The following MARCHF10 variants were observed in gnomAD, a reference collection of about 807,000 sequenced individuals.
MARCHF10 encodes probable E3 ubiquitin-protein ligase MARCHF10.
A neutral mutation model predicts 76.2 loss-of-function variants in MARCHF10; 64 were observed. The ratio of observed to expected loss-of-function variants is 0.84; its 90% CI spans 0.69 to 1.03. MARCHF10 has a LOEUF of 1.03. Ranked by LOEUF, MARCHF10 falls within the 50% of genes least tolerant of loss-of-function variation. The pLI is 0.00. For synonymous variants in MARCHF10, 340 were observed against 357.5 expected, an observed-to-expected ratio of 0.95 and a Z score of 0.55; for missense variants, 875 against 958.0, an observed-to-expected ratio of 0.91 and a Z score of 1.14.
chr17:62,767,630 T>C (rs1350485155), intron 3 of MARCHF10, among the ~76,000 whole-genome samples: 4 of 151,970 alleles, frequency 2.6e-5, no homozygotes, highest in Non-Finnish European at 5.9e-5. Flanking sequence ...TTTGTATTTT[T>C]AGTAGAGATG....
intron 3 of MARCHF10, among the ~76,000 whole-genome samples, chr17:62,776,519 C>G (rs1190289203): frequency 6.6e-6 from 1 of 152,202 alleles, no homozygotes; most frequent in African/African-American, 2.4e-5. Flanking sequence ...AGACGAAGCA[C>G]AGAAATGAAG....
intron 2 of MARCHF10, among the ~76,000 whole-genome samples, chr17:62,792,087 G>T (rs2092853385): frequency 6.6e-6 from 1 of 152,028 alleles, no homozygotes; most frequent in Non-Finnish European, 1.5e-5. Flanking sequence ...CTTCTGGGAA[G>T]ATCAGGGCTT....
At chr17:62,702,044 C>A (rs1256872170) in intron 10 of MARCHF10, among the ~76,000 whole-genome samples, 1 of 152,206 alleles carries the variant, frequency 6.6e-6, no homozygotes, top group Admixed American at 6.5e-5. Flanking sequence ...TGTTTTCAGG[C>A]TGAATAGCTG....
intron 4 of MARCHF10, among the ~76,000 whole-genome samples, chr17:62,752,605 T>C (rs1054635722): frequency 1.3e-5 from 2 of 150,494 alleles, no homozygotes; most frequent in African/African-American, 2.5e-5. Context: ...TAAATGGCCC[T>C]CAAGCCCACT....
chr17:62,710,405 G>C (rs1303700288), intron 9 of MARCHF10, among the ~76,000 whole-genome samples: 1 of 151,938 alleles, frequency 6.6e-6, no homozygotes, highest in Non-Finnish European at 1.5e-5. Flanking sequence ...GACAGGCCTG[G>C]GTCAAAAGGA....
intron 5 of MARCHF10, 42 bp downstream of exon 5, chr17:62,744,334 C>T (rs1163598181): frequency 2.1e-5 from 34 of 1,583,036 alleles, no homozygotes; most frequent in Non-Finnish European, 2.7e-5. Context: ...AAAATCAGTC[C>T]TCCTCTCCAA....
chr17:62,749,381 C>T (rs1303751797), intron 4 of MARCHF10, among the ~76,000 whole-genome samples: 5 of 152,250 alleles, frequency 3.3e-5, no homozygotes, highest in Admixed American at 6.5e-5. Context: ...ACCCTTATCC[C>T]GCCCCACATT....
intron 8 of MARCHF10, among the ~76,000 whole-genome samples, chr17:62,718,963 T>C (rs185373751): frequency 6.6e-6 from 1 of 152,342 alleles, no homozygotes; most frequent in East Asian, 1.9e-4. Flanking sequence ...TCTTCAAATA[T>C]CCTTCATTCT....
intron 8 of MARCHF10, among the ~76,000 whole-genome samples, chr17:62,719,123 T>C (rs1004699398): frequency 1.3e-5 from 2 of 152,214 alleles, no homozygotes; most frequent in African/African-American, 4.8e-5. Flanking sequence ...GCTTATAAAG[T>C]GGAAATCACC....
chr17:62,722,399 A>G (rs2090536159), intron 8 of MARCHF10, 89 bp downstream of exon 8: 3 of 895,236 alleles, frequency 3.4e-6, no homozygotes, highest in Non-Finnish European at 5.3e-6. Context: ...GACCTTCTAC[A>G]TTTCTTAGAT....
chr17:62,702,894 G>A (rs948621896), intron 10 of MARCHF10, among the ~76,000 whole-genome samples: 2 of 152,130 alleles, frequency 1.3e-5, no homozygotes, highest in Admixed American at 6.5e-5. Flanking sequence ...TTGGGGAGGT[G>A]CTCTGGCCCA....
At chr17:62,793,635 C>T (rs1329972547) in intron 2 of MARCHF10, among the ~76,000 whole-genome samples, 4 of 149,144 alleles carry the variant, frequency 2.7e-5, no homozygotes, top group Admixed American at 1.3e-4. Context: ...ACCACAACCC[C>T]ATCAACCACC....
intron 3 of MARCHF10, among the ~76,000 whole-genome samples, chr17:62,775,506 T>TGGG (rs1568193260): frequency 7.9e-6 from 1 of 127,350 alleles, no homozygotes; most frequent in East Asian, 2.0e-4. Context: ...TGTCAGCCAC[T>TGGG]CGGGGGGGGG....
chr17:62,736,889 C>G lies in MARCHF10; in HGVS notation c.979G>C (p.Ala327Pro), dbSNP rs199777243. 184 of 1,613,816 alleles carry G rather than the reference C, an allele frequency of 1.1e-4. No homozygotes were observed. Among genetic ancestry groups the G allele is most frequent in the Middle Eastern group, 1.6e-4 (1 of 6,084 alleles). The change falls in exon 6 of 11, where the codon GCC becomes CCC. Residue 327 changes from alanine (A) to proline (P), a missense_variant. Coordinates refer to ENST00000311269, the MANE Select transcript of MARCHF10 (RefSeq NM_152598.4). ...TTTTCTTCAAAATTTTTATTTTTGG[C>G]CTGAGGGGTCGATGTCCCCCCAAAT... ...SRFGGTSTPQ[A>P]KNKNFEENAE...
At chr17:62,793,067 A>ACACCTCCATCACCACCAC (rs2092895375) in intron 2 of MARCHF10, among the ~76,000 whole-genome samples, 1 of 71,602 alleles carries the variant, frequency 1.4e-5, no homozygotes, top group African/African-American at 5.7e-5. Context: ...ATCACTACCA[A>ACACCTCCATCACCACCAC]CACCTCCATC....
At chr17:62,772,922 C>G (rs927463061) in intron 3 of MARCHF10, among the ~76,000 whole-genome samples, 1 of 152,134 alleles carries the variant, frequency 6.6e-6, no homozygotes, top group Non-Finnish European at 1.5e-5. Flanking sequence ...AATAAAGAAG[C>G]ATGTATATTA....
chr17:62,803,758 T>G (rs1009802017), intron 1 of MARCHF10, among the ~76,000 whole-genome samples: 5 of 152,126 alleles, frequency 3.3e-5, no homozygotes, highest in African/African-American at 1.2e-4. Context: ...TCAGGTGATC[T>G]GCCCACCTTG....
chr17:62,718,335 C>A (rs2147664344), intron 8 of MARCHF10, among the ~76,000 whole-genome samples: 1 of 152,292 alleles, frequency 6.6e-6, no homozygotes, highest in East Asian at 1.9e-4. Flanking sequence ...GTGCAAACAT[C>A]TTAGTACAAA....
intron 3 of MARCHF10, among the ~76,000 whole-genome samples, chr17:62,771,623 C>G (rs1423332209): frequency 7.0e-6 from 1 of 143,152 alleles, no homozygotes; most frequent in Non-Finnish European, 1.5e-5. Context: ...GTTGCCCAGG[C>G]TGGAGCACAG....
Sources: allele counts gnomAD v4.1 joint callset (sites outside exome capture counted in the v4.1 genomes callset), GRCh38; gene constraint gnomAD v4.1.1; transcripts MANE v1.5; gene names NCBI Gene and HGNC (gene_info 2026-07-23, HGNC 2026-07-21).